FREM1: variants seen among roughly 807,000 people sequenced by gnomAD.
FREM1 encodes the protein FRAS1 related extracellular matrix 1, also known as FRAS1-related extracellular matrix protein 1.
In FREM1, 220 loss-of-function variants were observed where a neutral mutation model predicts 210.1. That is an observed-to-expected ratio of 1.05 (90% CI 0.94 to 1.17). FREM1 has a LOEUF of 1.17. Among genes scored for constraint, FREM1 ranks in the 50% most tolerant of loss-of-function variants. FREM1 has a pLI of 0.00. For synonymous variants in FREM1, 1,189 were observed against 980.2 expected (o/e 1.21, Z -3.98); for missense variants, 3,454 against 2,675.5 (o/e 1.29, Z -6.42).
intron 1 of FREM1, among the ~76,000 whole-genome samples, chr9:14,906,975 C>T (rs1248987716): frequency 1.3e-5 from 2 of 152,146 alleles, no homozygotes; most frequent in African/African-American, 2.4e-5. Context: ...GGATGATGCA[C>T]AAAAAGAGCA....
intron 35 of FREM1, among the ~76,000 whole-genome samples, chr9:14,745,599 T>C (rs562060466): frequency 2.7e-4 from 41 of 152,344 alleles, no homozygotes; most frequent in African/African-American, 9.4e-4. Context: ...AGTCTTTAGA[T>C]GTGTATAACT....
In FREM1 at chr9:14,747,141, G is replaced by A. The variant is rs1233332818; in HGVS notation, c.6010-90C>T. The A allele has an allele frequency of 1.9e-6, 3 of 1,590,974 alleles. No homozygotes were observed. The Admixed American group carries it at 5.1e-5, about 27-fold the overall frequency. On this transcript the variant is annotated intron_variant, in intron 33 of 36. Coordinates refer to ENST00000380880, the MANE Select transcript of FREM1 (RefSeq NM_001379081.2). ...CCTCCTTTGGGTCTTCATTTGTTGG[G>A]AAGCATTTGTGTTGGGTAAACTATC...
intron 2 of FREM1, among the ~76,000 whole-genome samples, chr9:14,868,510 G>C (rs975018783): frequency 1.3e-5 from 2 of 152,190 alleles, no homozygotes; most frequent in Non-Finnish European, 2.9e-5. Flanking sequence ...TTTCAGGCTT[G>C]TAATCTGAAG....
intron 14 of FREM1, among the ~76,000 whole-genome samples, chr9:14,818,380 T>G (rs1820687638): frequency 6.6e-6 from 1 of 152,228 alleles, no homozygotes; most frequent in Non-Finnish European, 1.5e-5. Context: ...CTGTCAGGAT[T>G]AAACTCATCT....
intron 26 of FREM1, 53 bp downstream of exon 26, chr9:14,770,552 C>T (rs1273409740): frequency 7.3e-7 from 1 of 1,372,224 alleles, no homozygotes; most frequent in South Asian, 1.2e-5. Context: ...TCTAGCCCTG[C>T]CAGCCACTGG....
intron 35 of FREM1, among the ~76,000 whole-genome samples, chr9:14,744,241 A>T (rs954946645): frequency 2.6e-5 from 4 of 152,058 alleles, no homozygotes; most frequent in Non-Finnish European, 5.9e-5. Context: ...ATTCGCTTTA[A>T]AAAAAATCTG....
At chr9:14,908,873 AC>A (rs1199211264) in intron 1 of FREM1, among the ~76,000 whole-genome samples, 2 of 152,118 alleles carry the variant, frequency 1.3e-5, no homozygotes, top group African/African-American at 4.8e-5. Context: ...GTTCTTACAC[AC>A]AGTCAGTTTT....
intron 1 of FREM1, among the ~76,000 whole-genome samples, chr9:14,899,063 A>G (rs114128507): frequency 0.025 from 3,771 of 152,296 alleles, 84 homozygotes; most frequent in African/African-American, 0.06. Flanking sequence ...CACACAGCTA[A>G]AGAGTTTTCT....
chr9:14,801,763 G>C lies in FREM1; in HGVS notation c.3583C>G (p.Leu1195Val). 2 of 1,613,888 alleles carry C rather than the reference G, an allele frequency of 1.2e-6. No homozygotes were observed. The highest frequency in any genetic ancestry group is 1.7e-6 in the Non-Finnish European group (2 of 1,179,784). Residue 1195 changes from leucine (L) to valine (V), a missense_variant, in exon 20 of 37, where the codon CTC (leucine) becomes GTC (valine). By Grantham distance (32) the Leu-to-Val change is conservative (BLOSUM62 1). Coordinates refer to ENST00000380880, the MANE Select transcript of FREM1 (RefSeq NM_001379081.2). ...TTGCTAAACCCCCTATCGATGAGGA[G>C]GCCATGGCGTGGCTTTTGAGTGATG... ...FSITQKPRHG[L>V]LIDRGFSKDF...
chr9:14,811,269 C>T (rs887447749), intron 16 of FREM1, among the ~76,000 whole-genome samples: 13 of 152,204 alleles, frequency 8.5e-5, no homozygotes, highest in African/African-American at 2.2e-4. Context: ...TTAATAGTCC[C>T]GTCTATGGCT....
At chr9:14,807,427 T>C (rs976228954) in intron 17 of FREM1, among the ~76,000 whole-genome samples, 1 of 152,148 alleles carries the variant, frequency 6.6e-6, no homozygotes, top group Non-Finnish European at 1.5e-5. Flanking sequence ...TTCATACGTA[T>C]GCTTATATTT....
chr9:14,879,826 G>A (rs1834466024), intron 1 of FREM1, among the ~76,000 whole-genome samples: 1 of 152,096 alleles, frequency 6.6e-6, no homozygotes, highest in Non-Finnish European at 1.5e-5. Flanking sequence ...TAATTAAATG[G>A]GCATGGAGAA....
intron 10 of FREM1, among the ~76,000 whole-genome samples, chr9:14,839,491 C>T (rs995711868): frequency 9.9e-5 from 15 of 152,146 alleles, no homozygotes; most frequent in African/African-American, 3.6e-4. Context: ...TCCCTCTGTC[C>T]CCTTCTCTTT....
At chr9:14,783,621 G>C (rs1204505454) in intron 24 of FREM1, among the ~76,000 whole-genome samples, 2 of 152,216 alleles carry the variant, frequency 1.3e-5, no homozygotes, top group African/African-American at 4.8e-5. Flanking sequence ...AGCTTTGAGA[G>C]CTGCGAGATT....
chr9:14,887,044 A>G (rs954991963), intron 1 of FREM1, among the ~76,000 whole-genome samples: 1 of 152,170 alleles, frequency 6.6e-6, no homozygotes, highest in African/African-American at 2.4e-5. Context: ...TTAGGTGAAT[A>G]TAGTTATCCA....
intron 10 of FREM1, among the ~76,000 whole-genome samples, chr9:14,834,498 A>G (rs1824176634): frequency 6.6e-6 from 1 of 152,236 alleles, no homozygotes; most frequent in Non-Finnish European, 1.5e-5. Flanking sequence ...ACTTGAACAA[A>G]TAAACTAATG....
rs75477409 is a variant in FREM1 at position 14,760,634 on chromosome 9, C to A, written c.5205-733G>T. 0.013 allele frequency among the ~76,000 whole-genome samples: 1,923 copies of A among 152,072 alleles called. 94 individuals are homozygous for A. The East Asian group carries it at 0.14, about 11-fold the overall frequency. ...ACATTTTTTTTCAAAAACAAACAGA[C>A]AAACAAGCTTCAGAGAGGTTAAGTA... On this transcript the variant is annotated intron_variant, in intron 27 of 36. Transcript: ENST00000380880.
chr9:14,792,299 CACACAGAGAGAG>C (rs940721636), intron 22 of FREM1, among the ~76,000 whole-genome samples: 1 of 146,816 alleles, frequency 6.8e-6, no homozygotes, highest in East Asian at 2.0e-4. Flanking sequence ...CACACACACA[CACACAGAGAGAG>C]AGAGAGATTG....
intron 18 of FREM1, 53 bp from the exon 19 acceptor site, chr9:14,805,205 A>G: frequency 9.2e-7 from 1 of 1,088,448 alleles, no homozygotes; most frequent in Non-Finnish European, 1.3e-6. Flanking sequence ...TTTCCAAGTT[A>G]TTGGTCCTTA....
Sources: allele counts gnomAD v4.1 joint callset (sites outside exome capture counted in the v4.1 genomes callset), GRCh38; gene constraint gnomAD v4.1.1; transcripts MANE v1.5; gene names NCBI Gene and HGNC (gene_info 2026-07-23, HGNC 2026-07-21).